FAM117B: variants seen among roughly 807,000 people sequenced by gnomAD.
FAM117B encodes protein FAM117B.
In FAM117B, 22 loss-of-function variants were observed where a neutral mutation model predicts 52.8. The ratio of observed to expected loss-of-function variants is 0.42; its 90% CI spans 0.30 to 0.59. FAM117B has a LOEUF of 0.59. Ranked by LOEUF, FAM117B falls within the 20% of genes least tolerant of loss-of-function variation. The pLI, the probability that FAM117B is intolerant of heterozygous loss-of-function variation, is 0.22. For synonymous variants in FAM117B, 309 were observed against 324.1 expected (o/e 0.95, Z 0.50); for missense variants, 678 against 802.6 (o/e 0.84, Z 1.88).
chr2:202,643,301 G>A (rs1400811521), intron 1 of FAM117B, among the ~76,000 whole-genome samples: 2 of 152,182 alleles, frequency 1.3e-5, no homozygotes, highest in Non-Finnish European at 2.9e-5. Flanking sequence ...TGTAGATGGA[G>A]CAAGGTTATG....
At chr2:202,691,118 AAAT>A (rs1335405691) in intron 1 of FAM117B, among the ~76,000 whole-genome samples, 2 of 152,298 alleles carry the variant, frequency 1.3e-5, no homozygotes, top group African/African-American at 2.4e-5. Flanking sequence ...TTCATTATCA[AAAT>A]AATAATAATC....
intron 1 of FAM117B, among the ~76,000 whole-genome samples, chr2:202,674,509 C>T (rs868586710): frequency 6.6e-6 from 1 of 152,206 alleles, no homozygotes; most frequent in Non-Finnish European, 1.5e-5. Flanking sequence ...CACTTCTGTT[C>T]CCCTTCCCTT....
intron 1 of FAM117B, among the ~76,000 whole-genome samples, chr2:202,657,945 A>G (rs1690076865): frequency 6.6e-6 from 1 of 152,146 alleles, no homozygotes; most frequent in Admixed American, 6.5e-5. Context: ...ACCTAACTTT[A>G]TATTTTACTT....
chr2:202,694,920 C>A (rs1690688230), intron 1 of FAM117B, among the ~76,000 whole-genome samples: 1 of 152,078 alleles, frequency 6.6e-6, no homozygotes, highest in Non-Finnish European at 1.5e-5. Flanking sequence ...TTTTTAGTGA[C>A]AATATTTAGT....
At chr2:202,702,078 A>G (rs1002725789) in intron 2 of FAM117B, among the ~76,000 whole-genome samples, 3 of 152,176 alleles carry the variant, frequency 2.0e-5, no homozygotes, top group African/African-American at 7.2e-5. Flanking sequence ...TGATGCAGCA[A>G]ACTTCATTGT....
At chr2:202,651,237 T>A (rs565475288) in intron 1 of FAM117B, among the ~76,000 whole-genome samples, 4 of 152,172 alleles carry the variant, frequency 2.6e-5, no homozygotes, top group Admixed American at 1.3e-4. Context: ...AATTTTTGTA[T>A]TTTTAGTAGA....
intron 1 of FAM117B, among the ~76,000 whole-genome samples, chr2:202,658,694 G>T (rs958554602): frequency 6.6e-6 from 1 of 152,090 alleles, no homozygotes; most frequent in Non-Finnish European, 1.5e-5. Context: ...GTAGTTTGTT[G>T]TCTTCTGTGC....
At chr2:202,690,997 G>C (rs1249857693) in intron 1 of FAM117B, among the ~76,000 whole-genome samples, 1 of 152,110 alleles carries the variant, frequency 6.6e-6, no homozygotes, top group East Asian at 1.9e-4. Context: ...AATTTCTAGG[G>C]CTTAGCACTG....
Position 202,651,804 on chromosome 2 carries a change from A to G in FAM117B, c.601+16016A>G, listed in dbSNP as rs915855588. Among the ~76,000 whole-genome samples, 26 of 152,150 alleles carry G rather than the reference A, an allele frequency of 1.7e-4. 1 individual carries two copies. Among genetic ancestry groups the G allele is most frequent in the African/African-American group, 6.0e-4 (25 of 41,448 alleles). ...TATGTTGGTATTTCTAAAGATAAAG[A>G]CAAGTTTGGGAGGCTGAGGCAGGCG... On this transcript the variant is annotated intron_variant, in intron 1 of 7. Transcript: ENST00000392238.
At chr2:202,712,419 CTTTTTTTTTT>C (rs1186703318) in intron 2 of FAM117B, among the ~76,000 whole-genome samples, 2 of 89,458 alleles carry the variant, frequency 2.2e-5, no homozygotes, top group African/African-American at 9.1e-5. Flanking sequence ...TATCAGCTCT[CTTTTTTTTTT>C]TTTTTTTTTT....
At chr2:202,715,691 A>C (rs1367200163) in intron 2 of FAM117B, among the ~76,000 whole-genome samples, 3 of 152,208 alleles carry the variant, frequency 2.0e-5, no homozygotes, top group Non-Finnish European at 4.4e-5. Flanking sequence ...GCGGCCGGGC[A>C]GAGGCTGCAA....
intron 1 of FAM117B, among the ~76,000 whole-genome samples, chr2:202,673,956 G>C (rs1403104855): frequency 1.3e-5 from 2 of 152,128 alleles, no homozygotes; most frequent in East Asian, 3.9e-4. Flanking sequence ...AATCCGCATA[G>C]CAATCTAGTG....
intron 4 of FAM117B, among the ~76,000 whole-genome samples, chr2:202,731,117 A>G (rs527737740): frequency 6.6e-6 from 1 of 152,028 alleles, no homozygotes; most frequent in Non-Finnish European, 1.5e-5. Context: ...CAGTAATTTA[A>G]CAAAAACATT....
chr2:202,752,359 T>G (rs1691738209), intron 4 of FAM117B, among the ~76,000 whole-genome samples: 1 of 152,062 alleles, frequency 6.6e-6, no homozygotes, highest in Admixed American at 6.6e-5. Context: ...TTGGCCTTTT[T>G]TAATCACAGA....
At chr2:202,725,127 G>T in intron 3 of FAM117B, 118 bp downstream of exon 3, 1 of 661,958 alleles carries the variant, frequency 1.5e-6, no homozygotes. Context: ...TTTTCTTTTT[G>T]GCTTCTGAAA....
intron 2 of FAM117B, among the ~76,000 whole-genome samples, chr2:202,701,250 G>T (rs748330908): frequency 6.6e-6 from 1 of 152,112 alleles, no homozygotes; most frequent in African/African-American, 2.4e-5. Flanking sequence ...ATGCCAGCAC[G>T]TCTTTTTATA....
chr2:202,752,088 AAAT>A, intron 4 of FAM117B, among the ~76,000 whole-genome samples: 1 of 152,236 alleles, frequency 6.6e-6, no homozygotes, highest in East Asian at 1.9e-4. Context: ...ATGTGAAAGA[AAAT>A]AAGTGACACT....
chr2:202,766,696 A>G lies in FAM117B; in HGVS notation c.*932A>G, dbSNP rs955675855. 2.6e-5 allele frequency: 4 copies of G among 152,146 alleles called. No individual in the cohort carries two copies. Among genetic ancestry groups the G allele is most frequent in the Admixed American group, 2.0e-4 (3 of 15,250 alleles). 9.4% of individuals were successfully genotyped at this position (152,146 alleles called of 1,614,324 possible). A position where few individuals can be genotyped will look rare whatever the true frequency, so the allele number is the denominator to read the frequency against. Reference sequence around the variant, plus strand: ...GCCCCTTTGGTTTTCTGTGATATATATATATATCACACGCTCTCCCTCCTT... The same window carrying G: ...GCCCCTTTGGTTTTCTGTGATATATGTATATATCACACGCTCTCCCTCCTT... On this transcript the variant is annotated 3_prime_UTR_variant, in exon 8 of 8. Transcript: ENST00000392238.
intron 1 of FAM117B, among the ~76,000 whole-genome samples, chr2:202,675,234 A>C (rs540234711): frequency 3.4e-4 from 51 of 151,734 alleles, no homozygotes; most frequent in South Asian, 1.0e-3. Context: ...TCTTAAAAAA[A>C]AAAAACAACA....
Sources: gnomAD v4.1 joint callset for allele counts (sites outside exome capture counted in the v4.1 genomes callset) on GRCh38, gnomAD v4.1.1 for gene constraint, MANE v1.5 for transcripts, NCBI Gene and HGNC (gene_info 2026-07-23, HGNC 2026-07-21) for gene names.